CARF: variants seen among roughly 807,000 people sequenced by gnomAD.
CARF encodes calcium-responsive transcription factor.
Under a neutral mutation model 82.0 loss-of-function variants are expected in CARF, and 57 were observed. The observed-to-expected ratio is 0.70, with a 90% CI of 0.56 to 0.87. CARF has a LOEUF of 0.87. Ranked by LOEUF, CARF falls within the 40% of genes least tolerant of loss-of-function variation. The pLI is 0.00. For synonymous variants in CARF, 268 were observed against 290.1 expected, an observed-to-expected ratio of 0.92 and a Z score of 0.77; for missense variants, 771 against 855.8, an observed-to-expected ratio of 0.90 and a Z score of 1.24.
chr2:202,928,490 A>G (rs1007205534), intron 3 of CARF, among the ~76,000 whole-genome samples: 2 of 152,032 alleles, frequency 1.3e-5, no homozygotes, highest in African/African-American at 4.8e-5. Context: ...ATATTTACCC[A>G]TTAGTGGAAT....
chr2:202,982,585 G>T, intron 16 of CARF, 144 bp downstream of exon 16: 3 of 774,022 alleles, frequency 3.9e-6, no homozygotes, highest in Non-Finnish European at 5.9e-6. Context: ...AGAGAAGGAG[G>T]AGATTTCATT....
chr2:202,942,701 G>A (rs760145219), intron 4 of CARF, 39 bp from the exon 5 acceptor site: 30 of 1,406,136 alleles, frequency 2.1e-5, no homozygotes, highest in Non-Finnish European at 2.7e-5. Flanking sequence ...TAAAAAAAAT[G>A]GTGATAGACT....
At position 202,954,099 on chromosome 2, in the gene CARF, A is replaced by T; in HGVS notation, c.522A>T (p.Gln174His). 1 of 1,613,340 alleles carries T rather than the reference A, an allele frequency of 6.2e-7. No individual in the cohort carries two copies. Among genetic ancestry groups the T allele is most frequent in the Non-Finnish European group, 8.5e-7 (1 of 1,179,684 alleles). ...DNTSNYILHPQTSFPLPKKSV... is the reference protein window; with the variant it reads ...DNTSNYILHPHTSFPLPKKSV... The stretch of plus-strand genomic sequence containing the variant: ...CCAGCAATTACATTCTTCATCCTCA[A>T]ACATCCTTCCCATTGCCCAAAAAGT... The change falls in exon 7 of 17, where the codon CAA becomes CAT. Residue 174 changes from glutamine to histidine, a missense_variant. By Grantham distance (24) the Gln-to-His change is conservative (BLOSUM62 0). Coordinates refer to ENST00000438828, the MANE Select transcript of CARF (RefSeq NM_024744.17).
chr2:202,939,943 G>A (rs934661332), intron 3 of CARF, among the ~76,000 whole-genome samples: 3 of 152,028 alleles, frequency 2.0e-5, no homozygotes, highest in Non-Finnish European at 4.4e-5. Context: ...TCTTGCCTTG[G>A]TCTCCCAAAG....
rs1039963805 is a variant in CARF at position 202,984,756 on chromosome 2, G to A, written c.*1132G>A. ...AGTATATTGATTATAAGCATCTGTT[G>A]TCTAAAGATTGGTACTAGGCTGGAC... On this transcript the variant is annotated 3_prime_UTR_variant, in exon 17 of 17. Coordinates refer to ENST00000438828, the MANE Select transcript of CARF (RefSeq NM_024744.17). 6.6e-6 allele frequency: 1 copy of A among 152,008 alleles called. No homozygotes were observed. Among genetic ancestry groups the A allele is most frequent in the Non-Finnish European group, 1.5e-5 (1 of 67,990 alleles). 9.4% of individuals were successfully genotyped at this position (152,008 alleles called of 1,614,324 possible).
Position 202,986,906 on chromosome 2 carries a change from A to ATG in CARF, c.*3283_*3284insGT, listed in dbSNP as rs1298746306. On this transcript the variant is annotated 3_prime_UTR_variant, in exon 17 of 17. Transcript: ENST00000438828. The stretch of plus-strand genomic sequence containing the variant: ...TATATATATATATATATATATATAT[A>ATG]TAGCAACTTGATGTATAGTGTCCTT... The ATG allele has an allele frequency of 7.2e-6, 1 of 139,004 alleles. No homozygotes were observed. The highest frequency in any genetic ancestry group is 2.7e-5 in the African/African-American group (1 of 37,556). The allele number at this position is 139,004 out of a possible 1,614,324, so 8.6% of individuals were successfully genotyped here. A position where few individuals can be genotyped will look rare whatever the true frequency, so the allele number is the denominator to read the frequency against.
Position 202,961,278 on chromosome 2 carries a change from T to A in CARF, c.684T>A (p.Thr228=). The change falls in exon 9 of 17, where the codon ACT becomes ACA. Residue 228 remains threonine, a synonymous_variant. Coordinates refer to ENST00000438828, the MANE Select transcript of CARF (RefSeq NM_024744.17). ...ACCGTGGCTACTGTGTAAGTGAGAC[T>A]GAATTAGAAAGTGTCCTAACATTTC... ...DSYRGYCVSE[T]ELESVLTFHK... The A allele has an allele frequency of 6.2e-7, 1 of 1,614,072 alleles. No homozygotes were observed. Among genetic ancestry groups the A allele is most frequent in the Non-Finnish European group, 8.5e-7 (1 of 1,179,976 alleles).
chr2:202,955,240 TAA>T (rs1167168955), intron 7 of CARF, among the ~76,000 whole-genome samples: 3 of 152,218 alleles, frequency 2.0e-5, no homozygotes, highest in Non-Finnish European at 2.9e-5. Flanking sequence ...ATTTTTGAAT[TAA>T]GACATTATTT....
intron 2 of CARF, among the ~76,000 whole-genome samples, chr2:202,919,763 T>G (rs1690436707): frequency 6.6e-6 from 1 of 152,234 alleles, no homozygotes; most frequent in African/African-American, 2.4e-5. Context: ...AAGTTCCTAT[T>G]GTAATAATAG....
At chr2:202,961,888 A>G (rs1366275474) in intron 9 of CARF, 1 of 183,056 alleles carries the variant, frequency 5.5e-6, no homozygotes, top group Non-Finnish European at 1.1e-5. Flanking sequence ...TTCTGATACT[A>G]AAGTTCTCAA....
At position 202,977,281 on chromosome 2, in the gene CARF, A is replaced by G; in HGVS notation, c.1507A>G (p.Thr503Ala). The change falls in exon 14 of 17, where the codon ACA becomes GCA. Residue 503 changes from threonine to alanine, a missense_variant. Coordinates refer to ENST00000438828, the MANE Select transcript of CARF (RefSeq NM_024744.17). ...EIIPATLQWT[T>A]DSGNILKETM... ...GTTCCCATTTCAGCTTCAATGGACT[A>G]CAGACAGTGGGAATATTCTCAAAGA... 2 of 1,612,116 alleles carry G rather than the reference A, an allele frequency of 1.2e-6. No homozygotes were observed. Among genetic ancestry groups the G allele is most frequent in the Non-Finnish European group, 1.7e-6 (2 of 1,178,906 alleles).
At chr2:202,929,241 C>T (rs1462533140) in intron 3 of CARF, among the ~76,000 whole-genome samples, 2 of 152,128 alleles carry the variant, frequency 1.3e-5, no homozygotes, top group Non-Finnish European at 2.9e-5. Flanking sequence ...GAGGTCTTAG[C>T]CATAAAAATC....
rs752508438 is a variant in CARF at position 202,982,345 on chromosome 2, G to A, written c.1963G>A (p.Glu655Lys). Residue 655 changes from glutamate (E) to lysine (K), a missense_variant, in exon 16 of 17, where the codon GAG (glutamate) becomes AAG (lysine). By Grantham distance (56) the Glu-to-Lys change is moderately conservative (BLOSUM62 1). Transcript: ENST00000438828. ...CGAGCTGGTAGAAGTTGGAGATGTT[G>A]AGGATACAGGGAATCTGGAAGGAAC... The part of the protein sequence containing the change: ...MDELVEVGDV[E>K]DTGNLEGTVH... The A allele has an allele frequency of 3.7e-6, 6 of 1,614,150 alleles. No homozygotes were observed. The South Asian group carries it at 4.4e-5, about 12-fold the overall frequency.
At chr2:202,949,512 T>TTTA (rs1180852022) in intron 5 of CARF, among the ~76,000 whole-genome samples, 6 of 131,492 alleles carry the variant, frequency 4.6e-5, no homozygotes, top group Non-Finnish European at 7.9e-5. Context: ...CTTTTTGTTA[T>TTTA]TTATTTATTA....
intron 7 of CARF, among the ~76,000 whole-genome samples, chr2:202,955,016 A>G (rs2058970729): frequency 6.7e-6 from 1 of 149,584 alleles, no homozygotes; most frequent in Non-Finnish European, 1.5e-5. Flanking sequence ...GCTGTCTCGA[A>G]AAAAAAAAAA....
intron 3 of CARF, chr2:202,925,290 T>C: frequency 1.1e-5 from 4 of 356,856 alleles, no homozygotes; most frequent in South Asian, 1.0e-4. Flanking sequence ...AAGAGCTGAC[T>C]GACAAGATCA....
intron 14 of CARF, among the ~76,000 whole-genome samples, chr2:202,979,650 A>C (rs2060165554): frequency 6.6e-6 from 1 of 151,816 alleles, no homozygotes; most frequent in African/African-American, 2.4e-5. Context: ...AAAATACAAA[A>C]ATTAGCTGGG....
chr2:202,919,927 T>A (rs553440881), intron 2 of CARF, among the ~76,000 whole-genome samples: 2 of 152,148 alleles, frequency 1.3e-5, no homozygotes, highest in African/African-American at 4.8e-5. Flanking sequence ...TTAAATGATA[T>A]AGGTAAAACA....
In CARF at chr2:202,912,503, C is replaced by A. The variant is rs149163995; in HGVS notation, c.-929C>A. The A allele has an allele frequency of 1.4e-5, 2 of 147,938 alleles. No individual in the cohort carries two copies. Among genetic ancestry groups the A allele is most frequent in the Non-Finnish European group, 1.5e-5 (1 of 66,514 alleles). 9.2% of individuals were successfully genotyped at this position (147,938 alleles called of 1,614,324 possible). ...TCTTCCTCCTGCCTCCTCCTCCTCCCGTCACCTCCTGACCCGCCGGAGCTC... is the reference window on the plus strand; with the variant it reads ...TCTTCCTCCTGCCTCCTCCTCCTCCAGTCACCTCCTGACCCGCCGGAGCTC... On this transcript the variant is annotated 5_prime_UTR_variant, in exon 1 of 17. Transcript: ENST00000438828.
Sources: gnomAD v4.1 joint callset for allele counts (sites outside exome capture counted in the v4.1 genomes callset) on GRCh38, gnomAD v4.1.1 for gene constraint, MANE v1.5 for transcripts, NCBI Gene and HGNC (gene_info 2026-07-23, HGNC 2026-07-21) for gene names.